Variants in SGCZ observed in about 807,000 individuals in gnomAD.
SGCZ encodes zeta-sarcoglycan.
Under a neutral mutation model 41.3 loss-of-function variants are expected in SGCZ, and 40 were observed. That is an observed-to-expected ratio of 0.97 (90% CI 0.75 to 1.26). SGCZ has a LOEUF of 1.26. Ranked by LOEUF, SGCZ falls within the 50% of genes most tolerant of loss-of-function variation. The pLI is 0.00. For missense variants in SGCZ, 552 were observed against 369.8 expected (o/e 1.49, Z -4.04); for synonymous variants, 206 against 137.5 (o/e 1.50, Z -3.49).
intron 1 of SGCZ, among the ~76,000 whole-genome samples, chr8:14,832,473 C>T (rs1211782479): frequency 6.6e-6 from 1 of 151,870 alleles, no homozygotes; most frequent in Non-Finnish European, 1.5e-5. Flanking sequence ...TGTTTTCTAC[C>T]ACCGTATCTA....
chr8:14,609,746 G>A (rs930699882), intron 1 of SGCZ, among the ~76,000 whole-genome samples: 1 of 152,040 alleles, frequency 6.6e-6, no homozygotes, highest in African/African-American at 2.4e-5. Flanking sequence ...GCTGATAAAG[G>A]TGCTTTCTAA....
At chr8:14,772,931 G>C (rs1397463627) in intron 1 of SGCZ, among the ~76,000 whole-genome samples, 2 of 151,934 alleles carry the variant, frequency 1.3e-5, no homozygotes, top group Non-Finnish European at 2.9e-5. Context: ...ATAGTCCTTT[G>C]GGTATATACC....
At chr8:14,690,935 A>G (rs1808780821) in intron 1 of SGCZ, among the ~76,000 whole-genome samples, 1 of 152,220 alleles carries the variant, frequency 6.6e-6, no homozygotes, top group South Asian at 2.1e-4. Context: ...CATTGCACTT[A>G]CAGTATTTCA....
At chr8:15,156,672 G>A (rs933403205) in intron 1 of SGCZ, among the ~76,000 whole-genome samples, 1 of 152,016 alleles carries the variant, frequency 6.6e-6, no homozygotes, top group Non-Finnish European at 1.5e-5. Context: ...GGCCAGGCGC[G>A]GTGGCTCATG....
intron 1 of SGCZ, among the ~76,000 whole-genome samples, chr8:14,997,780 T>C (rs757051482): frequency 2.0e-5 from 3 of 152,060 alleles, no homozygotes; most frequent in Non-Finnish European, 4.4e-5. Context: ...GTCAACTTGG[T>C]GAAACCTAGT....
Position 14,924,149 on chromosome 8 carries a change from G to C in SGCZ, c.39+313436C>G, listed in dbSNP as rs543973080. 2.6e-5 allele frequency among the ~76,000 whole-genome samples: 4 copies of C among 152,262 alleles called. No individual in the cohort carries two copies. In the East Asian group the frequency reaches 5.8e-4, roughly 22 times the overall value. On this transcript the variant is annotated intron_variant, in intron 1 of 7. Coordinates refer to ENST00000382080, the MANE Select transcript of SGCZ (RefSeq NM_139167.4). ...TCACGTTTGTTCTAAAAATCCTTTA[G>C]TCTTTAAGAAAACCTATTTGTTGTT...
chr8:14,659,104 G>T (rs1202687169), intron 1 of SGCZ, among the ~76,000 whole-genome samples: 1 of 152,040 alleles, frequency 6.6e-6, no homozygotes, highest in African/African-American at 2.4e-5. Context: ...TTTTCTGTTA[G>T]TATTTAAATC....
chr8:14,702,699 G>A (rs1256912436), intron 1 of SGCZ, among the ~76,000 whole-genome samples: 1 of 148,258 alleles, frequency 6.7e-6, no homozygotes. Flanking sequence ...TCAAATGCCA[G>A]TTCATATATC....
At chr8:14,257,453 T>A (rs991857724) in intron 3 of SGCZ, among the ~76,000 whole-genome samples, 2 of 151,854 alleles carry the variant, frequency 1.3e-5, no homozygotes, top group African/African-American at 2.4e-5. Context: ...TCTTTTTTTT[T>A]AATACATCCA....
At chr8:14,763,523 A>G (rs1341744224) in intron 1 of SGCZ, among the ~76,000 whole-genome samples, 1 of 152,184 alleles carries the variant, frequency 6.6e-6, no homozygotes, top group African/African-American at 2.4e-5. Flanking sequence ...GAGTATCTGC[A>G]TAGGAGACAC....
chr8:14,758,622 G>A (rs190225215), intron 1 of SGCZ, among the ~76,000 whole-genome samples: 2 of 152,282 alleles, frequency 1.3e-5, no homozygotes, highest in East Asian at 3.9e-4. Flanking sequence ...GCCTCACACA[G>A]TAAAACTTGT....
Position 14,764,933 on chromosome 8 carries a change from G to C in SGCZ, c.40-210007C>G, listed in dbSNP as rs553029656. On this transcript the variant is annotated intron_variant, in intron 1 of 7. Coordinates refer to ENST00000382080, the MANE Select transcript of SGCZ (RefSeq NM_139167.4). The stretch of plus-strand genomic sequence containing the variant: ...TAAATGGTTGAACAACAGCAAATGA[G>C]TCCAAATGTTAACAACTGGTAAAGG... 2.0e-4 allele frequency among the ~76,000 whole-genome samples: 31 copies of C among 152,212 alleles called. No homozygotes were observed. In the South Asian group the frequency reaches 6.4e-3, roughly 32 times the overall value.
At chr8:15,087,474 T>C (rs1311970965) in intron 1 of SGCZ, among the ~76,000 whole-genome samples, 1 of 152,126 alleles carries the variant, frequency 6.6e-6, no homozygotes, top group Non-Finnish European at 1.5e-5. Context: ...ACGTTGGTTT[T>C]GGCACGTTTT....
At chr8:14,259,130 T>C (rs1361317158) in intron 3 of SGCZ, among the ~76,000 whole-genome samples, 2 of 152,230 alleles carry the variant, frequency 1.3e-5, no homozygotes, top group Non-Finnish European at 2.9e-5. Flanking sequence ...TGTAATACTA[T>C]ATTTTGTAAG....
intron 2 of SGCZ, among the ~76,000 whole-genome samples, chr8:14,520,880 A>G (rs1442921071): frequency 2.0e-5 from 3 of 152,170 alleles, no homozygotes; most frequent in African/African-American, 7.2e-5. Context: ...ACTTAAAAAA[A>G]TCAACGTTAT....
At chr8:15,122,682 C>T (rs1172020240) in intron 1 of SGCZ, among the ~76,000 whole-genome samples, 1 of 152,074 alleles carries the variant, frequency 6.6e-6, no homozygotes, top group Non-Finnish European at 1.5e-5. Flanking sequence ...ACAATGAAGG[C>T]CAACTGTAAA....
intron 2 of SGCZ, among the ~76,000 whole-genome samples, chr8:14,430,450 G>T (rs879876780): frequency 2.7e-4 from 41 of 152,166 alleles, no homozygotes; most frequent in Admixed American, 2.6e-4. Context: ...AAAATGACAT[G>T]ATCATGTCAT....
chr8:14,155,159 C>A (rs1466979782), intron 5 of SGCZ, among the ~76,000 whole-genome samples: 1 of 152,198 alleles, frequency 6.6e-6, no homozygotes, highest in Non-Finnish European at 1.5e-5. Flanking sequence ...TGGCAAATGT[C>A]CAGTTTCCTT....
intron 1 of SGCZ, among the ~76,000 whole-genome samples, chr8:14,829,207 T>C (rs1802441709): frequency 6.7e-6 from 1 of 149,580 alleles, no homozygotes; most frequent in African/African-American, 2.5e-5. Flanking sequence ...CCCAACACTC[T>C]GATAGGCCCC....
Sources: allele counts gnomAD v4.1 joint callset (sites outside exome capture counted in the v4.1 genomes callset), GRCh38; gene constraint gnomAD v4.1.1; transcripts MANE v1.5; gene names NCBI Gene and HGNC (gene_info 2026-07-23, HGNC 2026-07-21).